Variants in MICAL2 observed in about 807,000 individuals in gnomAD.
MICAL2 encodes [F-actin]-monooxygenase MICAL2.
A neutral mutation model predicts 127.3 loss-of-function variants in MICAL2; 77 were observed. That is an observed-to-expected ratio of 0.60 (90% CI 0.50 to 0.73). The LOEUF (loss-of-function observed/expected upper bound fraction) is 0.73, where lower values mean the gene tolerates loss of function less well. MICAL2 is among the 30% of genes least tolerant of loss of function. The probability of loss-of-function intolerance (pLI) is 0.00; values close to 1 mark genes in which losing one functional copy is unlikely to be tolerated. For missense variants in MICAL2, 1,351 were observed against 1,434.4 expected, an observed-to-expected ratio of 0.94 and a Z score of 0.94; for synonymous variants, 570 against 551.1, an observed-to-expected ratio of 1.03 and a Z score of -0.48.
At chr11:12,291,894 T>A (rs1442258103), downstream of MICAL2, among the ~76,000 whole-genome samples, 2 of 152,196 alleles carry the variant, frequency 1.3e-5, no homozygotes, top group Non-Finnish European at 2.9e-5. Context: ...AAGAGCATCA[T>A]CGCATGAGTC....
At chr11:12,130,246 G>T (rs1278071013) in intron 1 of MICAL2, among the ~76,000 whole-genome samples, 1 of 152,168 alleles carries the variant, frequency 6.6e-6, no homozygotes, top group Non-Finnish European at 1.5e-5. Context: ...GCCTGAGTAT[G>T]AAATTGTCCT....
chr11:12,282,909 T>A (rs1319538062), intron 2 of MICAL2, among the ~76,000 whole-genome samples: 1 of 152,226 alleles, frequency 6.6e-6, no homozygotes, highest in Non-Finnish European at 1.5e-5. Context: ...GACTCAGTGA[T>A]AGCAGTTTTC....
intron 27 of MICAL2, chr11:12,263,017 T>G (rs1863339736): frequency 6.4e-6 from 1 of 157,014 alleles, no homozygotes; most frequent in Non-Finnish European, 1.4e-5. Flanking sequence ...GGTGATTATT[T>G]GGAGGGATTT....
intron 2 of MICAL2, among the ~76,000 whole-genome samples, chr11:12,144,444 C>T (rs114749040): frequency 3.3e-5 from 5 of 152,178 alleles, no homozygotes; most frequent in African/African-American, 9.6e-5. Flanking sequence ...ACATTTTGAC[C>T]CCCTGAATGG....
At position 12,258,382 on chromosome 11, in the gene MICAL2, G is replaced by T. The variant is rs189216355; in HGVS notation, c.3143-86G>T. On this transcript the variant is annotated intron_variant, in intron 24 of 27. Coordinates refer to ENST00000683283, the MANE Select transcript of MICAL2 (RefSeq NM_001282663.2). ...TCCATCGTTACTATTTTCTGACTTG[G>T]ACAGTGGTGGGCACTTGGCTTTTGT... 4.4e-4 allele frequency: 447 copies of T among 1,006,802 alleles called. No individual in the cohort carries two copies. The Middle Eastern group carries it at 4.7e-3, about 11-fold the overall frequency. The allele number at this position is 1,006,802 out of a possible 1,614,324, so 62.4% of individuals were successfully genotyped here.
chr11:12,354,930 A>G lies in MICAL2; in HGVS notation c.5689+73A>G, dbSNP rs1471283298. The G allele has an allele frequency of 3.6e-6, 5 of 1,405,868 alleles. No homozygotes were observed. In the East Asian group the frequency reaches 7.0e-5, roughly 20 times the overall value. 87.1% of individuals were successfully genotyped at this position (1,405,868 alleles called of 1,614,324 possible). On this transcript the variant is annotated intron_variant, in intron 34 of 34. Transcript: ENST00000646065. ...CTGAGCAGCGTGTGCCACAAATCCC[A>G]GAGTGGGGCGCTCTTCCTGCCTGCC...
intron 3 of MICAL2, among the ~76,000 whole-genome samples, chr11:12,201,482 G>A (rs1471071497): frequency 6.6e-6 from 1 of 151,572 alleles, no homozygotes; most frequent in Non-Finnish European, 1.5e-5. Context: ...TGAGGAGTGG[G>A]TGCGCATTCC....
rs146540356 is a variant in MICAL2, at chr11:12,227,102, C to G, written c.1966C>G (p.Leu656Val). 19 of 1,613,842 alleles carry G rather than the reference C, an allele frequency of 1.2e-5. No homozygotes were observed. Among genetic ancestry groups the G allele is most frequent in the African/African-American group, 2.7e-5 (2 of 74,932 alleles). ...KSSISNNYLN[L>V]TFPRKRTPRV... ...ATCCATTTCTAATAACTATCTCAAC[C>G]TCACATTTCCAAGGAAGAGGACTCC... The change falls in exon 15 of 28, where the codon CTC becomes GTC. Residue 656 changes from leucine to valine, a missense_variant. Leu to Val is a conservative substitution (Grantham distance 32, BLOSUM62 1). Transcript: ENST00000683283.
At chr11:12,294,344 G>A (rs1493953), downstream of MICAL2, 1,494,556 of 1,614,192 alleles carry the variant, frequency 0.93, 692,171 homozygotes, top group East Asian at 0.95. Flanking sequence ...AACTTTGCCC[G>A]CACAGGCCTG....
chr11:12,351,426 A>C (rs888124635), intron 33 of MICAL2, among the ~76,000 whole-genome samples: 9 of 152,186 alleles, frequency 5.9e-5, no homozygotes, highest in Non-Finnish European at 1.2e-4. Flanking sequence ...AGCAGAGGCC[A>C]AGGATGCTAC....
At chr11:12,168,633 T>C in intron 3 of MICAL2, among the ~76,000 whole-genome samples, 1 of 151,672 alleles carries the variant, frequency 6.6e-6, no homozygotes, top group East Asian at 1.9e-4. Context: ...TATTTCCATA[T>C]ATATTTCTTT....
At chr11:12,194,512 A>G (rs1277878776) in intron 3 of MICAL2, among the ~76,000 whole-genome samples, 1 of 152,204 alleles carries the variant, frequency 6.6e-6, no homozygotes, top group Non-Finnish European at 1.5e-5. Context: ...TATTATTTAT[A>G]TATTTTAGCT....
intron 29 of MICAL2, among the ~76,000 whole-genome samples, chr11:12,299,206 T>C (rs958005367): frequency 1.3e-5 from 2 of 152,226 alleles, no homozygotes; most frequent in Admixed American, 1.3e-4. Flanking sequence ...CTTTCAAGTG[T>C]TCTTAGGTCA....
chr11:12,313,961 A>ATTTTTTTTTTT (rs60681621), intron 29 of MICAL2, among the ~76,000 whole-genome samples: 8 of 43,778 alleles, frequency 1.8e-4, no homozygotes, highest in African/African-American at 5.6e-4. Context: ...TCTTGGTCTG[A>ATTTTTTTTTTT]TTTTTTTTTT....
chr11:12,235,149 T>C (rs575784763), intron 15 of MICAL2, among the ~76,000 whole-genome samples: 2 of 152,182 alleles, frequency 1.3e-5, no homozygotes, highest in African/African-American at 2.4e-5. Context: ...GGAGCCTAGG[T>C]GGACCCTAGC....
intron 19 of MICAL2, 70 bp downstream of exon 19, chr11:12,242,502 T>G: frequency 6.6e-7 from 1 of 1,513,058 alleles, no homozygotes; most frequent in Non-Finnish European, 9.0e-7. Context: ...TCCCTCCTCC[T>G]ACCCGGGTGG....
chr11:12,172,563 T>A (rs1192710858), intron 3 of MICAL2, among the ~76,000 whole-genome samples: 1 of 152,162 alleles, frequency 6.6e-6, no homozygotes, highest in African/African-American at 2.4e-5. Flanking sequence ...TCTCAGTTGA[T>A]ATTAGTGTTG....
intron 17 of MICAL2, among the ~76,000 whole-genome samples, chr11:12,240,593 G>A (rs1281586012): frequency 6.6e-6 from 1 of 152,156 alleles, no homozygotes; most frequent in Non-Finnish European, 1.5e-5. Flanking sequence ...CTGGAGGCTT[G>A]GCCCCTCACA....
intron 4 of MICAL2, among the ~76,000 whole-genome samples, chr11:12,207,496 G>A (rs2134152751): frequency 6.6e-6 from 1 of 152,324 alleles, no homozygotes; most frequent in African/African-American, 2.4e-5. Context: ...GTAAGAGATG[G>A]GGAACCATGA....
Sources: allele counts gnomAD v4.1 joint callset (sites outside exome capture counted in the v4.1 genomes callset), GRCh38; gene constraint gnomAD v4.1.1; transcripts MANE v1.5; gene names NCBI Gene and HGNC (gene_info 2026-07-23, HGNC 2026-07-21).